TNR: variants seen among roughly 807,000 people sequenced by gnomAD.
TNR encodes the protein tenascin-R.
A neutral mutation model predicts 150.4 loss-of-function variants in TNR; 45 were observed. That is an observed-to-expected ratio of 0.30 (90% CI 0.24 to 0.38). The LOEUF (loss-of-function observed/expected upper bound fraction) is 0.38. Ranked by LOEUF, TNR falls within the 10% of genes least tolerant of loss-of-function variation. The pLI, the probability that TNR is intolerant of heterozygous loss-of-function variation, is 1.00. For synonymous variants in TNR, 687 were observed against 678.4 expected, an observed-to-expected ratio of 1.01 and a Z score of -0.20; for missense variants, 1,544 against 1,759.1, an observed-to-expected ratio of 0.88 and a Z score of 2.19.
At chr1:175,478,995 G>A (rs1657664916) in intron 2 of TNR, among the ~76,000 whole-genome samples, 1 of 152,154 alleles carries the variant, frequency 6.6e-6, no homozygotes, top group African/African-American at 2.4e-5. Context: ...CCTTTTCAAA[G>A]CCCTTTAAAT....
intron 1 of TNR, among the ~76,000 whole-genome samples, chr1:175,677,805 G>T (rs374122394): frequency 1.3e-5 from 2 of 151,998 alleles, no homozygotes; most frequent in African/African-American, 4.8e-5. Context: ...TGCACACCTC[G>T]CTGGATTCTA....
chr1:175,544,254 C>A (rs182892833), intron 1 of TNR, among the ~76,000 whole-genome samples: 1 of 152,174 alleles, frequency 6.6e-6, no homozygotes, highest in African/African-American at 2.4e-5. Flanking sequence ...AGCATGCAGG[C>A]CAGTTAGAGA....
chr1:175,695,999 TGGATGGATGGATGGAC>T (rs1198074792), intron 1 of TNR, among the ~76,000 whole-genome samples: 1 of 151,792 alleles, frequency 6.6e-6, no homozygotes, highest in East Asian at 1.9e-4. Context: ...GATGGATGGA[TGGATGGATGGATGGAC>T]AGATAGATTA....
chr1:175,501,130 A>G (rs1658717012), intron 2 of TNR, among the ~76,000 whole-genome samples: 1 of 152,168 alleles, frequency 6.6e-6, no homozygotes, highest in Non-Finnish European at 1.5e-5. Context: ...TAATTAGCTG[A>G]CCCGAGTTAA....
intron 18 of TNR, among the ~76,000 whole-genome samples, chr1:175,338,894 A>G (rs1291602055): frequency 6.6e-6 from 1 of 152,142 alleles, no homozygotes; most frequent in Non-Finnish European, 1.5e-5. Flanking sequence ...AGATGTGTTA[A>G]CTGCCCCCGC....
chr1:175,467,541 G>A (rs1026566161), intron 2 of TNR, among the ~76,000 whole-genome samples: 16 of 152,212 alleles, frequency 1.1e-4, no homozygotes, highest in African/African-American at 3.4e-4. Context: ...GCCCAATGGG[G>A]AGATGTTTGA....
intron 2 of TNR, among the ~76,000 whole-genome samples, chr1:175,489,396 G>T (rs1658149047): frequency 6.6e-6 from 1 of 152,180 alleles, no homozygotes; most frequent in Non-Finnish European, 1.5e-5. Flanking sequence ...AAAAGTTAGG[G>T]GCTGTTACAG....
intron 1 of TNR, among the ~76,000 whole-genome samples, chr1:175,588,900 A>G (rs1253445751): frequency 6.6e-6 from 1 of 152,204 alleles, no homozygotes; most frequent in Non-Finnish European, 1.5e-5. Flanking sequence ...ACTGGGAACA[A>G]GAGTAGACCC....
chr1:175,469,651 A>G (rs1339435891), intron 2 of TNR, among the ~76,000 whole-genome samples: 2 of 151,698 alleles, frequency 1.3e-5, no homozygotes, highest in African/African-American at 2.4e-5. Context: ...GGAGGAGGAG[A>G]TGAGAGAGTA....
intron 1 of TNR, among the ~76,000 whole-genome samples, chr1:175,619,845 C>T (rs1190143526): frequency 1.3e-5 from 2 of 152,186 alleles, no homozygotes; most frequent in African/African-American, 2.4e-5. Flanking sequence ...TAAAACAGTG[C>T]AAACACAGAG....
At chr1:175,486,751 G>A (rs1557963312) in intron 2 of TNR, among the ~76,000 whole-genome samples, 1 of 152,204 alleles carries the variant, frequency 6.6e-6, no homozygotes, top group African/African-American at 2.4e-5. Context: ...CAGTGTAAAA[G>A]CTTTCCTATT....
chr1:175,671,443 T>C (rs955410491), intron 1 of TNR, among the ~76,000 whole-genome samples: 5 of 152,204 alleles, frequency 3.3e-5, no homozygotes, highest in African/African-American at 1.2e-4. Context: ...CTTTCTGGGT[T>C]GGCAGAAGCC....
chr1:175,685,793 C>T (rs1300858313), intron 1 of TNR, among the ~76,000 whole-genome samples: 1 of 152,060 alleles, frequency 6.6e-6, no homozygotes, highest in Non-Finnish European at 1.5e-5. Flanking sequence ...ATAATTATTT[C>T]ATTGGGAAAT....
At chr1:175,445,323 G>T (rs1405805184) in intron 2 of TNR, among the ~76,000 whole-genome samples, 1 of 152,192 alleles carries the variant, frequency 6.6e-6, no homozygotes, top group Non-Finnish European at 1.5e-5. Flanking sequence ...GAGAGAGTTG[G>T]ATCAGATACC....
intron 9 of TNR, among the ~76,000 whole-genome samples, chr1:175,375,780 G>A (rs1038327126): frequency 3.3e-5 from 5 of 152,164 alleles, no homozygotes; most frequent in African/African-American, 1.2e-4. Context: ...CACGGCTTCA[G>A]GTCTGAGCTT....
At chr1:175,495,130 G>C (rs1357799909) in intron 2 of TNR, among the ~76,000 whole-genome samples, 1 of 152,132 alleles carries the variant, frequency 6.6e-6, no homozygotes, top group Non-Finnish European at 1.5e-5. Context: ...CTCATACTGG[G>C]CCAGGCAAGT....
At chr1:175,677,643 A>C (rs941286790) in intron 1 of TNR, among the ~76,000 whole-genome samples, 2 of 152,216 alleles carry the variant, frequency 1.3e-5, no homozygotes, top group African/African-American at 4.8e-5. Context: ...GGAGGAGAAG[A>C]AGATGGAGAG....
intron 20 of TNR, chr1:175,330,493 C>A: frequency 3.2e-6 from 1 of 316,802 alleles, no homozygotes; most frequent in Non-Finnish European, 5.8e-6. Context: ...CCTCTTGACC[C>A]AGTAACTGAC....
intron 1 of TNR, among the ~76,000 whole-genome samples, chr1:175,578,074 G>T (rs1455043671): frequency 6.6e-6 from 1 of 152,174 alleles, no homozygotes; most frequent in Non-Finnish European, 1.5e-5. Context: ...CTCAATATAT[G>T]TTAGCGCTTG....
Sources: allele counts gnomAD v4.1 joint callset (sites outside exome capture counted in the v4.1 genomes callset), GRCh38; gene constraint gnomAD v4.1.1; transcripts MANE v1.5; gene names NCBI Gene and HGNC (gene_info 2026-07-23, HGNC 2026-07-21).